The following OR7E24 variants were observed in gnomAD, a reference collection of about 807,000 sequenced individuals.
The protein encoded by OR7E24 is olfactory receptor family 7 subfamily E member 24, also known as olfactory receptor 7E24.
For synonymous variants in OR7E24, 130 were observed against 157.5 expected (o/e 0.83, Z 1.31); for missense variants, 385 against 410.3 (o/e 0.94, Z 0.53).
At chr19:9,228,495 G>A in the OR7E24 span, among the ~76,000 whole-genome samples, 1 of 152,054 alleles carries the variant, frequency 6.6e-6, no homozygotes, top group Non-Finnish European at 1.5e-5. Flanking sequence ...TTCATAGTTG[G>A]TGTACATTTG....
the OR7E24 span, chr19:9,214,661 C>T: frequency 5.0e-6 from 8 of 1,614,062 alleles, no homozygotes; most frequent in Non-Finnish European, 6.8e-6. Flanking sequence ...GGAAGAAGTA[C>T]ATGGGGGTGT....
the OR7E24 span, among the ~76,000 whole-genome samples, chr19:9,225,357 C>A: frequency 8.9e-6 from 1 of 112,846 alleles, no homozygotes; most frequent in Admixed American, 9.4e-5. Context: ...GCAACAAGAG[C>A]GAAACTCAAG....
upstream of OR7E24, among the ~76,000 whole-genome samples, chr19:9,246,466 T>TTGTGTGTGTGTGTGTGTG (rs34518365): frequency 3.1e-5 from 4 of 130,984 alleles, no homozygotes; most frequent in African/African-American, 9.1e-5. Context: ...CTTAAAGGTA[T>TTGTGTGTGTGTGTGTGTG]TGTGTGTGTG....
the OR7E24 span, chr19:9,235,687 G>A: frequency 1.9e-6 from 3 of 1,599,590 alleles, no homozygotes; most frequent in Non-Finnish European, 2.6e-6. Flanking sequence ...CTGTGAACTG[G>A]CTCAGGTCCT....
chr19:9,217,432 T>C, the OR7E24 span, among the ~76,000 whole-genome samples: 1 of 152,176 alleles, frequency 6.6e-6, no homozygotes, highest in Non-Finnish European at 1.5e-5. Context: ...TAATTAAAGA[T>C]GGAAAAATAA....
chr19:9,237,779 A>C, the OR7E24 span, among the ~76,000 whole-genome samples: 1 of 152,292 alleles, frequency 6.6e-6, no homozygotes, highest in Non-Finnish European at 1.5e-5. Flanking sequence ...ATGAACATGC[A>C]TGTAAATTTG....
chr19:9,237,436 G>A, the OR7E24 span, among the ~76,000 whole-genome samples: 1 of 151,856 alleles, frequency 6.6e-6, no homozygotes, highest in African/African-American at 2.4e-5. Flanking sequence ...TCAGCCTCCT[G>A]AGTAGCTGGG....
chr19:9,250,537 C>G (rs1182921261), upstream of OR7E24, among the ~76,000 whole-genome samples: 4 of 152,100 alleles, frequency 2.6e-5, no homozygotes, highest in South Asian at 8.3e-4. Flanking sequence ...TGATGGAAAC[C>G]GTAGAATATA....
chr19:9,214,117 A>T, the OR7E24 span: 4 of 1,614,200 alleles, frequency 2.5e-6, no homozygotes, highest in Admixed American at 6.7e-5. Context: ...TGAGATCCAC[A>T]GGTGGAAAAG....
Position 9,251,469 on chromosome 19 carries a change from G to C in OR7E24, c.426G>C (p.Val142=). ...LLSVMAYDRF[V]AICHPLHYRI... ...GTGTGATGGCCTATGACCGGTTTGT[G>C]GCCATCTGTCACCCCCTGCACTACC... is the stretch of plus-strand genomic sequence containing the variant. Residue 142 remains valine (V), a synonymous_variant, in exon 1 of 1, where the codon GTG becomes GTC. Transcript: ENST00000456448. 6.2e-7 allele frequency: 1 copy of C among 1,614,022 alleles called. No homozygotes were observed. Among genetic ancestry groups the C allele is most frequent in the South Asian group, 1.1e-5 (1 of 91,064 alleles).
the OR7E24 span, among the ~76,000 whole-genome samples, chr19:9,234,593 TAGAA>T: frequency 6.6e-6 from 1 of 152,204 alleles, no homozygotes; most frequent in African/African-American, 2.4e-5. Context: ...TCCCAACACA[TAGAA>T]AGGATAAATA....
upstream of OR7E24, among the ~76,000 whole-genome samples, chr19:9,246,339 A>G (rs1449645385): frequency 6.6e-6 from 1 of 152,006 alleles, no homozygotes; most frequent in African/African-American, 2.4e-5. Context: ...AAGTGCTGGG[A>G]TTACAGGCAT....
the OR7E24 span, among the ~76,000 whole-genome samples, chr19:9,238,300 C>CA: frequency 1.3e-5 from 2 of 151,862 alleles, no homozygotes; most frequent in African/African-American, 4.8e-5. Flanking sequence ...CAAAAATAAA[C>CA]AAAAAAACAA....
chr19:9,233,374 T>C, the OR7E24 span, among the ~76,000 whole-genome samples: 632 of 152,276 alleles, frequency 4.2e-3, 3 homozygotes, highest in Non-Finnish European at 5.5e-3. Context: ...ACCAAATCCA[T>C]GAATTATATA....
At chr19:9,250,822 CTAA>C (rs1423756923), upstream of OR7E24, 3 of 399,100 alleles carry the variant, frequency 7.5e-6, no homozygotes, top group Middle Eastern at 6.9e-4. Flanking sequence ...TCTAAAATCT[CTAA>C]TGTTTTTGCT....
the OR7E24 span, chr19:9,214,575 C>A: frequency 6.2e-7 from 1 of 1,614,074 alleles, no homozygotes; most frequent in Admixed American, 1.7e-5. Flanking sequence ...GTCTTTGCTC[C>A]GTGCCTGGAT....
upstream of OR7E24, among the ~76,000 whole-genome samples, chr19:9,245,994 T>C (rs1190358708): frequency 6.6e-6 from 1 of 151,346 alleles, no homozygotes; most frequent in Non-Finnish European, 1.5e-5. Context: ...CTGGTGAGTG[T>C]GTATATATAT....
the OR7E24 span, among the ~76,000 whole-genome samples, chr19:9,225,757 G>A: frequency 3.9e-5 from 6 of 152,176 alleles, no homozygotes; most frequent in Non-Finnish European, 5.9e-5. Flanking sequence ...TGGATGCTGC[G>A]TTGCATTCCT....
the OR7E24 span, among the ~76,000 whole-genome samples, chr19:9,232,973 G>T: frequency 6.6e-6 from 1 of 152,096 alleles, no homozygotes; most frequent in Non-Finnish European, 1.5e-5. Context: ...ATGGTCTCTT[G>T]TGGGGCTCAC....
Sources: allele counts gnomAD v4.1 joint callset (sites outside exome capture counted in the v4.1 genomes callset), GRCh38; gene constraint gnomAD v4.1.1; transcripts MANE v1.5; gene names NCBI Gene and HGNC (gene_info 2026-07-23, HGNC 2026-07-21).